Variants in NPC1L1 observed in about 807,000 individuals in gnomAD.
The protein encoded by NPC1L1 is NPC1-like intracellular cholesterol transporter 1.
In NPC1L1, 98 loss-of-function variants were observed where a neutral mutation model predicts 117.0. That is an observed-to-expected ratio of 0.84 (90% confidence interval 0.71 to 0.99). NPC1L1 has a LOEUF of 0.99. NPC1L1 is among the 50% of genes least tolerant of loss of function. NPC1L1 has a pLI of 0.00. For missense variants in NPC1L1, 1,540 were observed against 1,710.0 expected, an observed-to-expected ratio of 0.90 and a Z score of 1.75; for synonymous variants, 729 against 727.6, an observed-to-expected ratio of 1.00 and a Z score of -0.03.
Position 44,533,901 on chromosome 7 carries a change from G to A in NPC1L1, c.2167-48C>T, listed in dbSNP as rs543671521. Reference sequence around the variant, plus strand: ...AGAGCCAGGGCCCTCCAAGGGCACCGCCCCTCAAAGGCCAGCAGGGAGTTG... The same window carrying A: ...AGAGCCAGGGCCCTCCAAGGGCACCACCCCTCAAAGGCCAGCAGGGAGTTG... On this transcript the variant is annotated intron_variant, in intron 6 of 18. Transcript: ENST00000381160. 1.2e-4 allele frequency: 184 copies of A among 1,493,950 alleles called. 1 individual carries two copies. In the Admixed American group the frequency reaches 2.6e-3, roughly 21 times the overall value. 92.5% of individuals were successfully genotyped at this position (1,493,950 alleles called of 1,614,324 possible). A position where few individuals can be genotyped will look rare whatever the true frequency, so the allele number is the denominator to read the frequency against.
intron 1 of NPC1L1, 119 bp downstream of exon 1, chr7:44,541,087 A>C (rs1802088447): frequency 2.7e-6 from 3 of 1,121,906 alleles, no homozygotes; most frequent in Admixed American, 4.2e-5. Flanking sequence ...AGACTTGCCC[A>C]GCCCGCAGGC....
Position 44,538,922 on chromosome 7 carries a change from T to C in NPC1L1, c.1475A>G (p.Gln492Arg), listed in dbSNP as rs1801982734. ...LYDCCINSLL[Q>R]YFQNNRTLLL... The stretch of plus-strand genomic sequence containing the variant: ...GAGCGTGCGGTTGTTCTGGAAATAC[T>C]GCAGGAGGCTGTTGATGCAGCAGTC... The change falls in exon 2 of 19, where the codon CAG becomes CGG. Residue 492 changes from glutamine to arginine, a missense_variant. By Grantham distance (43) the Gln-to-Arg change is conservative. This residue lies in a region of NPC1L1 where 793 missense variants were observed against 820.4 expected (regional missense o/e 0.97). Transcript: ENST00000381160. This position sits in a 1 kb window ranked among gnomAD's most constrained non-coding sequence, Gnocchi z 5.9. 5 of 1,614,126 alleles carry C rather than the reference T, an allele frequency of 3.1e-6. No individual in the cohort carries two copies. Among genetic ancestry groups the C allele is most frequent in the Non-Finnish European group, 3.4e-6 (4 of 1,180,046 alleles).
chr7:44,532,257 G>C, intron 8 of NPC1L1, 40 bp from the exon 9 acceptor site: 2 of 1,611,914 alleles, frequency 1.2e-6, no homozygotes, highest in Non-Finnish European at 1.7e-6. Flanking sequence ...TCCCAGAGCA[G>C]ACAAGGCCCC....
At position 44,532,161 on chromosome 7, in the gene NPC1L1, G is replaced by T; in HGVS notation, c.2466C>A (p.Gly822=). The change falls in exon 9 of 19, where the codon GGC becomes GGA. Residue 822 remains glycine, a synonymous_variant. Coordinates refer to ENST00000381160, the MANE Select transcript of NPC1L1 (RefSeq NM_001101648.2). ...AGCCAAGCAGGAGCCCCTCTCCCTG[G>T]CCAGGCGGGGGCAGCTCCTGGGGCT... ...CVKPQELPPP[G]QGEGLLLGFF... The T allele has an allele frequency of 1.2e-6, 2 of 1,613,966 alleles. No individual in the cohort carries two copies. The highest frequency in any genetic ancestry group is 1.7e-6 in the Non-Finnish European group (2 of 1,179,996).
rs772036119 is a variant in NPC1L1, at chr7:44,531,829, C to T, written c.2563G>A (p.Ala855Thr). 6.3e-6 allele frequency: 10 copies of T among 1,585,162 alleles called. No individual in the cohort carries two copies. Among genetic ancestry groups the T allele is most frequent in the South Asian group, 1.2e-5 (1 of 86,552 alleles). Residue 855 changes from alanine to threonine, a missense_variant, in exon 10 of 19, where the codon GCC (alanine) becomes ACC (threonine). Transcript: ENST00000381160. ...TRGVVLLLFL[A>T]LFGVSLYSMC... is the part of the protein sequence containing the mutation. The stretch of plus-strand genomic sequence containing the variant: ...GAGTAGAGGCTCACTCCGAACAGGG[C>T]GAGAAACAGCAGCAGCTGAGAAGGG...
intron 7 of NPC1L1, 27 bp from the exon 8 acceptor site, chr7:44,533,585 G>C (rs1801768822): frequency 6.2e-7 from 1 of 1,614,052 alleles, no homozygotes; most frequent in African/African-American, 1.3e-5. Context: ...GGCTGTCAGG[G>C]CACCCTGGCT....
chr7:44,539,982 C>T lies in NPC1L1; in HGVS notation c.415G>A (p.Val139Met), dbSNP rs773022091. ...CSPNQSLFIN[V>M]TRVAQLGAGQ... Reference sequence around the variant, plus strand: ...GCCCCTAGCTGGGCCACGCGGGTCACATTGATGAAGAGGCTCTGATTGGGG... The same window carrying T: ...GCCCCTAGCTGGGCCACGCGGGTCATATTGATGAAGAGGCTCTGATTGGGG... Residue 139 changes from valine to methionine, a missense_variant, in exon 2 of 19, where the codon GTG becomes ATG. Transcript: ENST00000381160. This position sits in a 1 kb window ranked among gnomAD's most constrained non-coding sequence, Gnocchi z 4.4. 2.5e-5 allele frequency: 40 copies of T among 1,614,106 alleles called. No homozygotes were observed. In the Admixed American group the frequency reaches 6.3e-4, roughly 26 times the overall value.
In NPC1L1 at chr7:44,533,756, G is replaced by A; in HGVS notation, c.2264C>T (p.Ala755Val). 1 of 1,614,108 alleles carries A rather than the reference G, an allele frequency of 6.2e-7. No individual in the cohort carries two copies. The highest frequency in any genetic ancestry group is 8.5e-7 in the Non-Finnish European group (1 of 1,179,992). Reference sequence around the variant, plus strand: ...AGGCTCACCTAGGAAGAAGCAGATGGCCTCAGAGAGGCTGCACAACAGCAT... The same window carrying A: ...AGGCTCACCTAGGAAGAAGCAGATGACCTCAGAGAGGCTGCACAACAGCAT... The part of the protein sequence containing the change: ...PSMLLCSLSE[A>V]ICFFLGALTP... The change falls in exon 7 of 19, where the codon GCC (alanine) becomes GTC (valine). Residue 755 changes from alanine (A) to valine (V), a missense_variant. By Grantham distance (64) the Ala-to-Val change is moderately conservative (BLOSUM62 0). Coordinates refer to ENST00000381160, the MANE Select transcript of NPC1L1 (RefSeq NM_001101648.2).
chr7:44,528,065 T>G (rs992393485), intron 10 of NPC1L1, among the ~76,000 whole-genome samples: 3 of 152,138 alleles, frequency 2.0e-5, no homozygotes, highest in Non-Finnish European at 2.9e-5. Flanking sequence ...CCTCAAGTGA[T>G]CCAACCACCT....
Position 44,515,789 on chromosome 7 carries a change from G to A in NPC1L1, c.3796+14C>T. On this transcript the variant is annotated intron_variant, in intron 18 of 18. Coordinates refer to ENST00000381160, the MANE Select transcript of NPC1L1 (RefSeq NM_001101648.2). ...AATCATGACAGTCTGGTAGGAACAG[G>A]CCTGGGCACTCACCCACGTAGCTGA... 6.2e-7 allele frequency: 1 copy of A among 1,614,146 alleles called. No individual in the cohort carries two copies. Among genetic ancestry groups the A allele is most frequent in the South Asian group, 1.1e-5 (1 of 91,082 alleles).
intron 7 of NPC1L1, 31 bp from the exon 8 acceptor site, chr7:44,533,589 C>A: frequency 6.8e-6 from 11 of 1,614,038 alleles, no homozygotes; most frequent in Non-Finnish European, 9.3e-6. Flanking sequence ...GTCAGGGCAC[C>A]CTGGCTTCAA....
rs527630292 is a variant in NPC1L1, at chr7:44,534,109, C to T, written c.2167-256G>A. Among the ~76,000 whole-genome samples, 1 of 152,184 alleles carries T rather than the reference C, an allele frequency of 6.6e-6. No homozygotes were observed. The highest frequency in any genetic ancestry group is 2.4e-5 in the African/African-American group (1 of 41,446). ...GCACTGTTGGAACCCTAATTGTTCA[C>T]CAACAGGGAGAGGTGAAATCGACTC... On this transcript the variant is annotated intron_variant, in intron 6 of 18. Coordinates refer to ENST00000381160, the MANE Select transcript of NPC1L1 (RefSeq NM_001101648.2). This position sits in a 1 kb window ranked among gnomAD's most constrained non-coding sequence, Gnocchi z 5.2.
chr7:44,525,169 C>T (rs990386499), intron 10 of NPC1L1, among the ~76,000 whole-genome samples: 5 of 152,050 alleles, frequency 3.3e-5, no homozygotes, highest in African/African-American at 1.2e-4. Context: ...GCCAGAACTC[C>T]CCAAATTTGA....
Position 44,520,708 on chromosome 7 carries a change from G to A in NPC1L1, c.3136+57C>T, listed in dbSNP as rs369618868. 523 of 1,478,898 alleles carry A rather than the reference G, an allele frequency of 3.5e-4. 2 individuals are homozygous for A. Among genetic ancestry groups the A allele is most frequent in the South Asian group, 9.7e-4 (86 of 88,434 alleles). The allele number at this position is 1,478,898 out of a possible 1,614,324, so 91.6% of individuals were successfully genotyped here. ...TGACAGGCTGTTCCCTGGGGTTTTC[G>A]GGGGCCCTCCAGAGCAACCGATTTA... On this transcript the variant is annotated intron_variant, in intron 14 of 18. Coordinates refer to ENST00000381160, the MANE Select transcript of NPC1L1 (RefSeq NM_001101648.2).
chr7:44,520,918 T>C, intron 13 of NPC1L1, 74 bp downstream of exon 13: 3 of 1,612,700 alleles, frequency 1.9e-6, no homozygotes, highest in Non-Finnish European at 2.5e-6. Context: ...AGCCTCCTCC[T>C]GCCTCTCTAT....
chr7:44,514,739 C>T (rs539184858), intron 18 of NPC1L1, among the ~76,000 whole-genome samples: 10 of 150,750 alleles, frequency 6.6e-5, no homozygotes, highest in African/African-American at 2.2e-4. Context: ...CAGTGGCTCA[C>T]GCCTGTAATC....
intron 14 of NPC1L1, among the ~76,000 whole-genome samples, chr7:44,519,159 A>C (rs1801280419): frequency 6.6e-6 from 1 of 151,734 alleles, no homozygotes; most frequent in Non-Finnish European, 1.5e-5. Context: ...CTCCCAACGT[A>C]CTGGGATTAT....
rs1801180883 is a variant in NPC1L1 at position 44,516,192 on chromosome 7, C to T, written c.3525G>A (p.Val1175=). The T allele has an allele frequency of 1.2e-6, 2 of 1,603,018 alleles. No individual in the cohort carries two copies. Among genetic ancestry groups the T allele is most frequent in the African/African-American group, 1.3e-5 (1 of 74,856 alleles). ...AVSLINLVSA[V]GMSVEFVSHI... is the part of the protein sequence containing the mutation. ...GGGACACAAACTCCACAGACATGCC[C>T]ACCGCCTATGGGCAGAGAGGGGGCA... The change falls in exon 17 of 19, where the codon GTG becomes GTA. Residue 1175 remains valine, a synonymous_variant. Transcript: ENST00000381160.
At chr7:44,521,202 T>C in intron 12 of NPC1L1, 84 bp from the exon 13 acceptor site, 2 of 1,590,076 alleles carry the variant, frequency 1.3e-6, no homozygotes, top group Non-Finnish European at 1.7e-6. Flanking sequence ...AACAATCCCA[T>C]CAAAGGTCCT....
Sources: allele counts gnomAD v4.1 joint callset (sites outside exome capture counted in the v4.1 genomes callset), GRCh38; gene constraint gnomAD v4.1.1; regional missense constraint gnomAD v4.1.1; non-coding constraint Gnocchi (gnomAD v3.1); transcripts MANE v1.5; gene names NCBI Gene and HGNC (gene_info 2026-07-23, HGNC 2026-07-21).